The following ZNF346 variants were observed in gnomAD, a reference collection of about 807,000 sequenced individuals.
The protein encoded by ZNF346 is zinc finger protein 346.
Under a neutral mutation model 33.7 loss-of-function variants are expected in ZNF346, and 23 were observed. The observed-to-expected ratio is 0.68, with a 90% confidence interval of 0.49 to 0.97. The LOEUF (loss-of-function observed/expected upper bound fraction) is 0.97. Ranked by LOEUF, ZNF346 falls within the 50% of genes least tolerant of loss-of-function variation. ZNF346 has a pLI of 0.00. For synonymous variants in ZNF346, 134 were observed against 142.4 expected, an observed-to-expected ratio of 0.94 and a Z score of 0.42; for missense variants, 340 against 371.1, an observed-to-expected ratio of 0.92 and a Z score of 0.69.
chr5:177,069,326 G>T (rs1245439437), downstream of ZNF346, among the ~76,000 whole-genome samples: 2 of 151,836 alleles, frequency 1.3e-5, no homozygotes, highest in Non-Finnish European at 2.9e-5. Context: ...TCGTGGTGGT[G>T]GATGCCTGTA....
chr5:177,032,436 G>A (rs147878399), intron 1 of ZNF346, among the ~76,000 whole-genome samples: 21,610 of 150,296 alleles, frequency 0.14, 3,317 homozygotes, highest in African/African-American at 0.39. Context: ...TTGAGACAGA[G>A]TTTCGCCCTT....
At chr5:177,056,832 T>G (rs931323930) in intron 5 of ZNF346, among the ~76,000 whole-genome samples, 16 of 152,102 alleles carry the variant, frequency 1.1e-4, no homozygotes, top group African/African-American at 3.9e-4. Context: ...AGTTAATGGA[T>G]GCAGCACACC....
chr5:177,080,134 C>T (rs1783921042), exon 9 of ZNF346: 1 of 152,236 alleles, frequency 6.6e-6, no homozygotes, highest in African/African-American at 2.4e-5. Flanking sequence ...TCTGCCTCCA[C>T]AAAAATGCCC....
Position 177,022,965 on chromosome 5 carries a change from C to T in ZNF346, c.175+52C>T, listed in dbSNP as rs368165512. 2.4e-3 allele frequency: 3,411 copies of T among 1,441,246 alleles called. 6 individuals are homozygous for T. Among genetic ancestry groups the T allele is most frequent in the Non-Finnish European group, 2.9e-3 (3,207 of 1,100,396 alleles). 89.3% of individuals were successfully genotyped at this position (1,441,246 alleles called of 1,614,324 possible). A position where few individuals can be genotyped will look rare whatever the true frequency, so the allele number is the denominator to read the frequency against. Reference sequence around the variant, plus strand: ...AGCCCCTCGCCCGCTGCGCGGCTCGCGGGGAACTGCGGAAGCGCCGACGGT... The same window carrying T: ...AGCCCCTCGCCCGCTGCGCGGCTCGTGGGGAACTGCGGAAGCGCCGACGGT... On this transcript the variant is annotated intron_variant, in intron 1 of 6. Coordinates refer to ENST00000358149, the MANE Select transcript of ZNF346 (RefSeq NM_012279.4).
At chr5:177,053,018 T>A (rs1463573411) in intron 5 of ZNF346, 1 of 152,164 alleles carries the variant, frequency 6.6e-6, no homozygotes, top group East Asian at 1.9e-4. Flanking sequence ...TACCTTTTTT[T>A]TTTTTAAGAG....
intron 1 of ZNF346, among the ~76,000 whole-genome samples, chr5:177,040,073 C>CG (rs1779136341): frequency 6.6e-6 from 1 of 151,220 alleles, no homozygotes; most frequent in Non-Finnish European, 1.5e-5. Flanking sequence ...CCCAACTACT[C>CG]GGGAGGCTGA....
chr5:177,043,990 A>G (rs1457721146), intron 3 of ZNF346, among the ~76,000 whole-genome samples: 5 of 152,050 alleles, frequency 3.3e-5, no homozygotes, highest in African/African-American at 1.2e-4. Context: ...AGCACAGAAG[A>G]GGAGCAGGGT....
chr5:177,062,240 A>T (rs1782639400), intron 6 of ZNF346, 89 bp downstream of exon 6: 1 of 1,075,974 alleles, frequency 9.3e-7, no homozygotes, highest in Non-Finnish European at 1.4e-6. Flanking sequence ...CTCGGCTGAA[A>T]TGGAATCCTG....
intron 5 of ZNF346, among the ~76,000 whole-genome samples, chr5:177,058,500 G>T (rs866922754): frequency 1.3e-5 from 2 of 151,630 alleles, no homozygotes; most frequent in Non-Finnish European, 2.9e-5. Flanking sequence ...AAAATAACTA[G>T]GCAGAGAGTC....
intron 5 of ZNF346, among the ~76,000 whole-genome samples, chr5:177,058,203 G>A (rs60917375): frequency 0.13 from 19,594 of 151,410 alleles, 2,958 homozygotes; most frequent in African/African-American, 0.37. Context: ...AGCTGGGCGC[G>A]GTGGCTCACG....
At chr5:177,027,866 C>T (rs562326527) in intron 1 of ZNF346, among the ~76,000 whole-genome samples, 113 of 151,552 alleles carry the variant, frequency 7.5e-4, no homozygotes, top group African/African-American at 2.5e-3. Flanking sequence ...TGGTCTGAAA[C>T]TCCTGGCCTC....
intron 5 of ZNF346, among the ~76,000 whole-genome samples, chr5:177,053,915 C>T (rs1196528112): frequency 6.6e-6 from 1 of 152,044 alleles, no homozygotes; most frequent in Non-Finnish European, 1.5e-5. Flanking sequence ...CTCTGAGAAC[C>T]AACATGGCTA....
chr5:177,044,090 G>A (rs1779725801), intron 3 of ZNF346, among the ~76,000 whole-genome samples: 1 of 151,784 alleles, frequency 6.6e-6, no homozygotes, highest in Non-Finnish European at 1.5e-5. Flanking sequence ...CAGAGGAAAA[G>A]CTTATATTTA....
At chr5:177,060,867 T>G (rs1458326741) in intron 5 of ZNF346, among the ~76,000 whole-genome samples, 1 of 152,084 alleles carries the variant, frequency 6.6e-6, no homozygotes, top group Non-Finnish European at 1.5e-5. Context: ...TCCCAGCACT[T>G]TGGGAGGCCG....
chr5:177,041,077 T>C, intron 1 of ZNF346, 49 bp from the exon 2 acceptor site: 1 of 1,413,324 alleles, frequency 7.1e-7, no homozygotes, highest in Non-Finnish European at 1.0e-6. Context: ...GGCAGTGCTG[T>C]TGAGGTAGTG....
At chr5:177,033,200 C>T (rs1335875104) in intron 1 of ZNF346, among the ~76,000 whole-genome samples, 1 of 152,156 alleles carries the variant, frequency 6.6e-6, no homozygotes, top group African/African-American at 2.4e-5. Context: ...TGTCAGCTTC[C>T]CTAGTAACCA....
intron 1 of ZNF346, among the ~76,000 whole-genome samples, chr5:177,026,621 C>G (rs930016580): frequency 6.6e-6 from 1 of 151,992 alleles, no homozygotes; most frequent in Non-Finnish European, 1.5e-5. Context: ...CTTGGCCTCC[C>G]GAAGTGTTGG....
chr5:177,063,478 G>T (rs1217499391), intron 6 of ZNF346, among the ~76,000 whole-genome samples: 1 of 152,138 alleles, frequency 6.6e-6, no homozygotes, highest in African/African-American at 2.4e-5. Context: ...ACTCTTAGGT[G>T]TAGACTTGAG....
intron 8 of ZNF346, among the ~76,000 whole-genome samples, chr5:177,078,445 C>T (rs1191291267): frequency 6.6e-6 from 1 of 152,122 alleles, no homozygotes; most frequent in East Asian, 1.9e-4. Context: ...GAATGTCAGG[C>T]TGAGGAGCTG....
Sources: gnomAD v4.1 joint callset for allele counts (sites outside exome capture counted in the v4.1 genomes callset) on GRCh38, gnomAD v4.1.1 for gene constraint, MANE v1.5 for transcripts, NCBI Gene and HGNC (gene_info 2026-07-23, HGNC 2026-07-21) for gene names.